CHD9: variants seen among roughly 807,000 people sequenced by gnomAD.
CHD9 encodes ATP-dependent chromatin remodeler CHD9.
In CHD9, 77 loss-of-function variants were observed where a neutral mutation model predicts 316.1. That is an observed-to-expected ratio of 0.24 (90% CI 0.20 to 0.29). The LOEUF is 0.29. Among genes scored for constraint, CHD9 ranks in the 10% least tolerant of loss-of-function variants. The pLI, the probability that CHD9 is intolerant of heterozygous loss-of-function variation, is 1.00. For synonymous variants in CHD9, 1,129 were observed against 1,158.3 expected (o/e 0.97, Z 0.51); for missense variants, 2,763 against 3,438.1 (o/e 0.80, Z 4.91).
At chr16:53,190,331 T>C (rs1054880571) in intron 2 of CHD9, among the ~76,000 whole-genome samples, 7 of 152,242 alleles carry the variant, frequency 4.6e-5, no homozygotes, top group Admixed American at 1.3e-4. Context: ...AAAAATTTTA[T>C]AGTTTTGCTA....
At chr16:53,307,621 G>A in intron 32 of CHD9, 60 bp from the exon 33 acceptor site, 1 of 1,455,026 alleles carries the variant, frequency 6.9e-7, no homozygotes, top group South Asian at 1.4e-5. Context: ...TGAGCTATTT[G>A]ATCTCCAAAG....
chr16:53,068,117 C>G (rs1284248287), intron 1 of CHD9, among the ~76,000 whole-genome samples: 1 of 152,166 alleles, frequency 6.6e-6, no homozygotes, highest in Non-Finnish European at 1.5e-5. Context: ...ACTTCCATCA[C>G]TTACTGGCTG....
At chr16:53,109,286 ATAG>A (rs1209753583) in intron 1 of CHD9, among the ~76,000 whole-genome samples, 1 of 152,178 alleles carries the variant, frequency 6.6e-6, no homozygotes, top group African/African-American at 2.4e-5. Flanking sequence ...TGTGCTACAG[ATAG>A]TAGTATAAAC....
At chr16:53,304,996 A>G (rs1045257994) in intron 31 of CHD9, among the ~76,000 whole-genome samples, 17 of 149,986 alleles carry the variant, frequency 1.1e-4, no homozygotes, top group Non-Finnish European at 2.4e-4. Context: ...GCCTGGCCTA[A>G]TATAACTTTT....
At chr16:53,171,399 A>G (rs1403654305) in intron 2 of CHD9, among the ~76,000 whole-genome samples, 2 of 152,356 alleles carry the variant, frequency 1.3e-5, no homozygotes, top group African/African-American at 2.4e-5. Context: ...AGCCTGGGCA[A>G]CAGAGCGAGA....
At chr16:53,116,027 G>C (rs2038269349) in intron 1 of CHD9, among the ~76,000 whole-genome samples, 3 of 152,272 alleles carry the variant, frequency 2.0e-5, no homozygotes, top group Admixed American at 2.0e-4. Context: ...AGGAGCGGCA[G>C]ATCATAAGCA....
chr16:53,056,128 C>T (rs1188066124), intron 1 of CHD9, among the ~76,000 whole-genome samples: 1 of 152,194 alleles, frequency 6.6e-6, no homozygotes, highest in East Asian at 1.9e-4. Context: ...TAGGCTCAAG[C>T]CATTCTCCAG....
intron 18 of CHD9, among the ~76,000 whole-genome samples, chr16:53,255,080 G>A (rs2050474574): frequency 6.6e-6 from 1 of 152,120 alleles, no homozygotes; most frequent in Non-Finnish European, 1.5e-5. Flanking sequence ...GGACGCTGAG[G>A]TAGGAGGATT....
chr16:53,265,963 C>A (rs1434369904), intron 20 of CHD9, among the ~76,000 whole-genome samples: 4 of 144,002 alleles, frequency 2.8e-5, no homozygotes, highest in Admixed American at 6.9e-5. Flanking sequence ...GAAAAAAATA[C>A]AATTAGTTTT....
intron 2 of CHD9, among the ~76,000 whole-genome samples, chr16:53,190,309 A>G (rs543411388): frequency 6.6e-6 from 1 of 152,254 alleles, no homozygotes; most frequent in South Asian, 2.1e-4. Context: ...GTTTTTGTCT[A>G]CACTGAGAAT....
intron 1 of CHD9, among the ~76,000 whole-genome samples, chr16:53,134,900 A>G (rs1241097164): frequency 6.6e-6 from 1 of 152,224 alleles, no homozygotes; most frequent in Non-Finnish European, 1.5e-5. Flanking sequence ...GGAACCTACC[A>G]TCTAACAGTG....
intron 2 of CHD9, among the ~76,000 whole-genome samples, chr16:53,185,676 G>A (rs1369030591): frequency 6.6e-6 from 1 of 152,204 alleles, no homozygotes; most frequent in Non-Finnish European, 1.5e-5. Context: ...AGAACTAGGA[G>A]GGAAAAATGT....
intron 33 of CHD9, 45 bp from the exon 34 acceptor site, chr16:53,308,641 T>C: frequency 6.8e-7 from 1 of 1,464,198 alleles, no homozygotes; most frequent in Non-Finnish European, 9.4e-7. Flanking sequence ...TGCAATAAGA[T>C]TTTTTTTAAC....
At chr16:53,106,653 T>C (rs1045939817) in intron 1 of CHD9, among the ~76,000 whole-genome samples, 2 of 85,346 alleles carry the variant, frequency 2.3e-5, no homozygotes, top group African/African-American at 1.1e-4. Context: ...CAGACACACA[T>C]ACATACACAC....
At chr16:53,112,094 G>A (rs79296113) in intron 1 of CHD9, among the ~76,000 whole-genome samples, 1,764 of 152,252 alleles carry the variant, frequency 0.012, 34 homozygotes, top group African/African-American at 0.04. Context: ...TTTGCTTCTC[G>A]ATTTGAGAAA....
rs56705665 is a variant in CHD9, at chr16:53,107,459, CAAAAT to C, written c.-164-48438_-164-48434del. Among the ~76,000 whole-genome samples, 25 of 129,876 alleles carry C rather than the reference CAAAAT, an allele frequency of 1.9e-4. No homozygotes were observed. In the East Asian group the frequency reaches 2.5e-3, roughly 13 times the overall value. The allele number at this position is 129,876 out of a possible 152,430, so 85.2% of individuals were successfully genotyped here. A position where few individuals can be genotyped will look rare whatever the true frequency, so the allele number is the denominator to read the frequency against. ...TGGGCAACAGAGTGACACTCCATCT[CAAAAT>C]AAAATAAAATAAAATAAAATAAAAT... On this transcript the variant is annotated intron_variant, in intron 1 of 38. Coordinates refer to ENST00000447540, the MANE Select transcript of CHD9 (RefSeq NM_001308319.2).
chr16:53,190,234 T>C (rs2044371854), intron 2 of CHD9, among the ~76,000 whole-genome samples: 1 of 152,152 alleles, frequency 6.6e-6, no homozygotes, highest in Non-Finnish European at 1.5e-5. Flanking sequence ...ACCTAATTTC[T>C]TTCTCAATTA....
intron 1 of CHD9, among the ~76,000 whole-genome samples, chr16:53,146,438 A>ATATATATATATATATATAT (rs1567374423): frequency 2.2e-5 from 1 of 46,380 alleles, no homozygotes; most frequent in African/African-American, 9.2e-5. Context: ...TATATATATA[A>ATATATATATATATATATAT]TTAAAAAGTT....
rs960759198 is a variant in CHD9, at chr16:53,310,634, G to A, written c.7222+1780G>A. On this transcript the variant is annotated intron_variant, in intron 34 of 38. Coordinates refer to ENST00000447540, the MANE Select transcript of CHD9 (RefSeq NM_001308319.2). ...AGGCCGAGGCAGGCGGATCACCTGA[G>A]GTCAGGAGTTCGAGACCAGCCTAAC... Among the ~76,000 whole-genome samples, 9 of 151,542 alleles carry A rather than the reference G, an allele frequency of 5.9e-5. No homozygotes were observed. The South Asian group carries it at 1.2e-3, about 21-fold the overall frequency.
Sources: gnomAD v4.1 joint callset for allele counts (sites outside exome capture counted in the v4.1 genomes callset) on GRCh38, gnomAD v4.1.1 for gene constraint, MANE v1.5 for transcripts, NCBI Gene and HGNC (gene_info 2026-07-23, HGNC 2026-07-21) for gene names.